Variants in CHST8 observed in about 807,000 individuals in gnomAD.
The protein encoded by CHST8 is GALNAC-4-ST1.
A neutral mutation model predicts 15.0 loss-of-function variants in CHST8; 10 were observed. That is an observed-to-expected ratio of 0.67 (90% CI 0.41 to 1.13). CHST8 has a LOEUF of 1.13. Ranked by LOEUF, CHST8 falls within the 50% of genes most tolerant of loss-of-function variation. The pLI is 0.00. For synonymous variants in CHST8, 259 were observed against 256.6 expected (o/e 1.01, Z -0.09); for missense variants, 634 against 608.2 (o/e 1.04, Z -0.45).
chr19:33,760,399 C>T (rs1974698976), intron 3 of CHST8, among the ~76,000 whole-genome samples: 1 of 151,544 alleles, frequency 6.6e-6, no homozygotes, highest in African/African-American at 2.4e-5. Context: ...CTCACTGCAG[C>T]CTCTAACGCT....
chr19:33,625,692 T>G (rs540956211), intron 1 of CHST8, among the ~76,000 whole-genome samples: 8 of 152,118 alleles, frequency 5.3e-5, no homozygotes, highest in Admixed American at 2.0e-4. Context: ...TGAAACCCAG[T>G]CTCTACTAAA....
intron 1 of CHST8, among the ~76,000 whole-genome samples, chr19:33,652,030 T>C (rs1331354587): frequency 6.6e-6 from 1 of 152,184 alleles, no homozygotes; most frequent in African/African-American, 2.4e-5. Context: ...GTTATGAATT[T>C]GTTCATTTTC....
At chr19:33,729,391 G>A (rs867237197) in intron 3 of CHST8, among the ~76,000 whole-genome samples, 7 of 152,246 alleles carry the variant, frequency 4.6e-5, no homozygotes, top group Non-Finnish European at 8.8e-5. Context: ...TTCTTTCAGC[G>A]TGAGCAAGCC....
At chr19:33,680,878 T>C (rs1162724207) in intron 2 of CHST8, among the ~76,000 whole-genome samples, 1 of 152,240 alleles carries the variant, frequency 6.6e-6, no homozygotes, top group African/African-American at 2.4e-5. Context: ...TTGTAAGTTT[T>C]GATTTCTTTA....
At position 33,702,875 on chromosome 19, in the gene CHST8, G is replaced by A. The variant is rs1050798418; in HGVS notation, c.130+13484G>A. Among the ~76,000 whole-genome samples the A allele has an allele frequency of 9.2e-5, 14 of 152,328 alleles. No homozygotes were observed. In the East Asian group the frequency reaches 2.5e-3, roughly 27 times the overall value. ...GCATGAGATGCCTCAGGATTACCTC[G>A]GGTCTGGAGTGCTGGGACTGCTCCG... is the stretch of plus-strand genomic sequence containing the variant. On this transcript the variant is annotated intron_variant, in intron 3 of 4. Transcript: ENST00000650847.
chr19:33,649,212 C>T (rs558518793), intron 1 of CHST8, among the ~76,000 whole-genome samples: 13 of 152,204 alleles, frequency 8.5e-5, no homozygotes, highest in African/African-American at 3.1e-4. Context: ...CCTGTCTATC[C>T]TTCTGATCAC....
chr19:33,771,834 G>C, intron 4 of CHST8, 123 bp from the exon 5 acceptor site: 2 of 1,202,498 alleles, frequency 1.7e-6, no homozygotes. Flanking sequence ...CACCTACAGA[G>C]TCAGCCTGTC....
intron 1 of CHST8, among the ~76,000 whole-genome samples, chr19:33,636,092 T>A (rs1169688407): frequency 1.1e-4 from 15 of 139,636 alleles, no homozygotes; most frequent in Admixed American, 6.5e-4. Flanking sequence ...TTATCAAAGT[T>A]AAAAAAAAAA....
chr19:33,684,329 G>A lies in CHST8; in HGVS notation c.-86-4847G>A, dbSNP rs572082041. On this transcript the variant is annotated intron_variant, in intron 2 of 4. Transcript: ENST00000650847. The stretch of plus-strand genomic sequence containing the variant: ...GACAGCAGGTAAATTGCCTTCCCCG[G>A]GAGTAGCGTGCCGCCCGGCAGGGGC... 2.0e-5 allele frequency among the ~76,000 whole-genome samples: 3 copies of A among 152,316 alleles called. No individual in the cohort carries two copies. In the East Asian group the frequency reaches 5.8e-4, roughly 30 times the overall value.
chr19:33,630,339 G>C (rs140894682), intron 1 of CHST8, among the ~76,000 whole-genome samples: 198 of 152,366 alleles, frequency 1.3e-3, no homozygotes, highest in African/African-American at 4.2e-3. Flanking sequence ...ATTGCTTGTG[G>C]GCAGGCAGAG....
rs148054114 is a variant in CHST8 at position 33,722,717 on chromosome 19, C to CCGAG, written c.130+33329_130+33332dup. Among the ~76,000 whole-genome samples the CCGAG allele has an allele frequency of 6.2e-3, 939 of 152,240 alleles. 5 individuals are homozygous for CCGAG. The highest frequency in any genetic ancestry group is 0.024 in the Middle Eastern group (7 of 294). ...TGGGGAGAAACAGCTGTTTCCCACC[C>CCGAG]CGAGCGTAACTCCCATCACGGGCCT... On this transcript the variant is annotated intron_variant, in intron 3 of 4. Transcript: ENST00000650847.
chr19:33,661,807 G>T (rs1972588520), intron 1 of CHST8, among the ~76,000 whole-genome samples: 1 of 148,336 alleles, frequency 6.7e-6, no homozygotes, highest in Admixed American at 6.9e-5. Context: ...GGGGTGGGTG[G>T]ATCACTTGAG....
chr19:33,633,558 T>G (rs927057040), intron 1 of CHST8, among the ~76,000 whole-genome samples: 2 of 138,960 alleles, frequency 1.4e-5, no homozygotes, highest in African/African-American at 2.6e-5. Context: ...TGCTGGCTAA[T>G]TTTTTATTTT....
rs1040965389 is a variant in CHST8, at chr19:33,726,903, C to T, written c.130+37512C>T. On this transcript the variant is annotated intron_variant, in intron 3 of 4. Coordinates refer to ENST00000650847, the MANE Select transcript of CHST8 (RefSeq NM_001127895.2). ...AGTGCAGCTGCTCCTGCTCCCCCACCTCGACCCGCACCTCTGCTGGCAGTG... is the reference window on the plus strand; with the variant it reads ...AGTGCAGCTGCTCCTGCTCCCCCACTTCGACCCGCACCTCTGCTGGCAGTG... Among the ~76,000 whole-genome samples, 4 of 151,974 alleles carry T rather than the reference C, an allele frequency of 2.6e-5. No individual in the cohort carries two copies. The East Asian group carries it at 7.8e-4, about 30-fold the overall frequency.
chr19:33,661,542 G>A (rs763577883), intron 1 of CHST8, among the ~76,000 whole-genome samples: 4 of 152,162 alleles, frequency 2.6e-5, no homozygotes, highest in Admixed American at 2.6e-4. Context: ...CCCTTTGCAC[G>A]GTGGTGGCCT....
intron 3 of CHST8, among the ~76,000 whole-genome samples, chr19:33,746,050 G>T (rs932292212): frequency 2.6e-5 from 4 of 152,176 alleles, no homozygotes; most frequent in South Asian, 2.1e-4. Context: ...AATTGTAGCT[G>T]GTGTTATTGA....
intron 3 of CHST8, among the ~76,000 whole-genome samples, chr19:33,762,229 T>C (rs285688): frequency 0.36 from 55,441 of 152,056 alleles, 11,921 homozygotes; most frequent in African/African-American, 0.6. Context: ...GCTGAGGATC[T>C]CTCCCTGTAG....
chr19:33,680,633 T>C, intron 2 of CHST8, among the ~76,000 whole-genome samples: 1 of 152,238 alleles, frequency 6.6e-6, no homozygotes, highest in East Asian at 1.9e-4. Context: ...CAAATCGATA[T>C]TAATAATTGT....
chr19:33,722,647 T>C (rs904130340), intron 3 of CHST8, among the ~76,000 whole-genome samples: 16 of 152,144 alleles, frequency 1.1e-4, no homozygotes, highest in African/African-American at 2.7e-4. Flanking sequence ...GCATTCTCAA[T>C]TGGTAACACG....
Sources: allele counts gnomAD v4.1 joint callset (sites outside exome capture counted in the v4.1 genomes callset), GRCh38; gene constraint gnomAD v4.1.1; transcripts MANE v1.5; gene names NCBI Gene and HGNC (gene_info 2026-07-23, HGNC 2026-07-21).